IFI16: variants seen among roughly 807,000 people sequenced by gnomAD.
The protein encoded by IFI16 is interferon gamma inducible protein 16, also known as gamma-interferon-inducible protein 16.
IFI16 carries 49 observed loss-of-function variants against 68.4 expected under a neutral mutation model. The ratio of observed to expected loss-of-function variants is 0.72; its 90% CI spans 0.57 to 0.91. The LOEUF is 0.91. IFI16 is among the 40% of genes least tolerant of loss of function. IFI16 has a pLI of 0.00. For synonymous variants in IFI16, 307 were observed against 315.0 expected, an observed-to-expected ratio of 0.97 and a Z score of 0.27; for missense variants, 878 against 942.9, an observed-to-expected ratio of 0.93 and a Z score of 0.90.
Position 159,052,401 on chromosome 1 carries a change from T to C in IFI16, c.2085+303T>C, listed in dbSNP as rs41264143. On this transcript the variant is annotated intron_variant, in intron 10 of 11. Coordinates refer to ENST00000295809, the MANE Select transcript of IFI16 (RefSeq NM_001376587.1). ...CTTGTCCAGGACAGTGCAGAGTTTA[T>C]ATCAACACACATATCCTTAGGATTT... The C allele has an allele frequency of 3.8e-3, 1,088 of 283,156 alleles. 4 individuals are homozygous for C. The highest frequency in any genetic ancestry group is 6.3e-3 in the Non-Finnish European group (925 of 147,130). 17.5% of individuals were successfully genotyped at this position (283,156 alleles called of 1,614,324 possible). A position where few individuals can be genotyped will look rare whatever the true frequency, so the allele number is the denominator to read the frequency against.
At chr1:159,012,759 G>A (rs1479383764) in intron 1 of IFI16, among the ~76,000 whole-genome samples, 5 of 152,278 alleles carry the variant, frequency 3.3e-5, no homozygotes, top group African/African-American at 9.6e-5. Context: ...CCAATTAGGC[G>A]GGAAGGCATG....
chr1:159,049,569 A>G lies in IFI16; in HGVS notation c.1635A>G (p.Pro545=). 1.3e-6 allele frequency: 2 copies of G among 1,595,888 alleles called. No homozygotes were observed. Among genetic ancestry groups the G allele is most frequent in the South Asian group, 2.3e-5 (2 of 87,808 alleles). The change falls in exon 9 of 12, where the codon CCA becomes CCG. Residue 545 remains proline (P), a synonymous_variant. Transcript: ENST00000295809. ...ATCCCCACACTCCTCAGATGCCTCC[A>G]TCAACACCAAGCAGCAGTTTCTTAA... ...ESHPHTPQMP[P]STPSSSFLTT... is the part of the protein sequence containing the mutation.
upstream of IFI16, among the ~76,000 whole-genome samples, chr1:159,003,562 C>T (rs1652137477): frequency 6.6e-6 from 1 of 151,982 alleles, no homozygotes; most frequent in African/African-American, 2.4e-5. Context: ...AGCAGTTAGC[C>T]ACCTGTCACT....
chr1:159,034,208 G>T (rs3768523), intron 7 of IFI16, among the ~76,000 whole-genome samples: 2 of 152,052 alleles, frequency 1.3e-5, no homozygotes, highest in Non-Finnish European at 2.9e-5. Context: ...GCAACATAAG[G>T]CTGGGTTTCC....
intron 2 of IFI16, 87 bp from the exon 3 acceptor site, chr1:159,015,785 G>T (rs1652879666): frequency 2.1e-6 from 2 of 958,084 alleles, no homozygotes; most frequent in Non-Finnish European, 3.3e-6. Context: ...AGAGCAAATT[G>T]TATTGAAACT....
At chr1:159,052,628 C>T (rs1268646917) in intron 10 of IFI16, 1 of 152,876 alleles carries the variant, frequency 6.5e-6, no homozygotes, top group African/African-American at 2.4e-5. Flanking sequence ...TGCCTCTTCT[C>T]ATTCATTAAT....
chr1:159,052,306 T>G, intron 10 of IFI16: 1 of 559,062 alleles, frequency 1.8e-6, no homozygotes, highest in African/African-American at 1.9e-5. Context: ...GGTATCATCA[T>G]GCAAGTTATT....
At chr1:159,035,297 G>A (rs1197805445) in intron 7 of IFI16, among the ~76,000 whole-genome samples, 1 of 152,172 alleles carries the variant, frequency 6.6e-6, no homozygotes, top group Admixed American at 6.5e-5. Flanking sequence ...GGTGGCTGTG[G>A]AAGGAGCCCT....
rs570877523 is a variant in IFI16, at chr1:159,025,217, GTGGCCC to G, written c.1161+4695_1161+4700del. On this transcript the variant is annotated intron_variant, in intron 6 of 11. Coordinates refer to ENST00000295809, the MANE Select transcript of IFI16 (RefSeq NM_001376587.1). ...TGCTCAGCGCCGCCCAAGGGATGCTGTGGCCCTGGCCCCTCTTGAAGTCTTGGCCTT... is the reference window on the plus strand; with the variant it reads ...TGCTCAGCGCCGCCCAAGGGATGCTGTGGCCCCTCTTGAAGTCTTGGCCTT... 3.7e-3 allele frequency among the ~76,000 whole-genome samples: 564 copies of G among 152,274 alleles called. 2 individuals carry two copies. The highest frequency in any genetic ancestry group is 6.4e-3 in the Non-Finnish European group (436 of 68,026).
At chr1:159,002,647 G>C (rs1307949609), upstream of IFI16, among the ~76,000 whole-genome samples, 1 of 152,122 alleles carries the variant, frequency 6.6e-6, no homozygotes, top group East Asian at 1.9e-4. Flanking sequence ...AAATGCTGTT[G>C]CTATTTGTTT....
intron 6 of IFI16, among the ~76,000 whole-genome samples, chr1:159,026,221 G>T (rs1653658497): frequency 6.6e-6 from 1 of 151,320 alleles, no homozygotes; most frequent in Non-Finnish European, 1.5e-5. Context: ...TGTGAAGAAT[G>T]ATGTTGGTAT....
At chr1:159,013,110 A>C (rs1252087478) in intron 1 of IFI16, among the ~76,000 whole-genome samples, 1 of 145,650 alleles carries the variant, frequency 6.9e-6, no homozygotes, top group Non-Finnish European at 1.5e-5. Flanking sequence ...TTTTCCCTTC[A>C]TTCTCTGGAC....
rs752579974 is a variant in IFI16, at chr1:159,016,593, C to G, written c.442C>G (p.Gln148Glu). The G allele has an allele frequency of 8.1e-6, 13 of 1,614,130 alleles. No homozygotes were observed. The South Asian group carries it at 1.4e-4, about 18-fold the overall frequency. The change falls in exon 4 of 12, where the codon CAG (glutamine) becomes GAG (glutamate). Residue 148 changes from glutamine to glutamate, a missense_variant. Coordinates refer to ENST00000295809, the MANE Select transcript of IFI16 (RefSeq NM_001376587.1). ...GPKGSKVSEEQTQPPSPAGAG... is the reference protein window; with the variant it reads ...GPKGSKVSEEETQPPSPAGAG... ...CAAAGGGAGTAAGGTGTCCGAGGAA[C>G]AGACTCAGCCTCCCTCTCCTGCAGG...
At chr1:159,041,861 G>C (rs1004719140) in intron 7 of IFI16, among the ~76,000 whole-genome samples, 3 of 152,144 alleles carry the variant, frequency 2.0e-5, no homozygotes, top group African/African-American at 7.2e-5. Flanking sequence ...ATACCTACTC[G>C]TTAATAGTTC....
At chr1:159,024,000 G>A (rs1185299787) in intron 6 of IFI16, among the ~76,000 whole-genome samples, 1 of 152,248 alleles carries the variant, frequency 6.6e-6, no homozygotes, top group African/African-American at 2.4e-5. Flanking sequence ...TTTTGCAAGA[G>A]AGCCACCATA....
intron 6 of IFI16, among the ~76,000 whole-genome samples, chr1:159,021,742 C>A (rs1315955067): frequency 2.0e-5 from 3 of 152,116 alleles, no homozygotes; most frequent in African/African-American, 2.4e-5. Flanking sequence ...TGTTCCTTTT[C>A]ACCACATCGA....
At chr1:159,038,052 T>C (rs957481951) in intron 7 of IFI16, among the ~76,000 whole-genome samples, 43 of 152,316 alleles carry the variant, frequency 2.8e-4, no homozygotes, top group African/African-American at 9.9e-4. Context: ...AGGTTAAAAA[T>C]ACCATTCAGG....
chr1:159,032,483 C>A (rs749008727), intron 6 of IFI16, 41 bp from the exon 7 acceptor site: 1 of 1,271,668 alleles, frequency 7.9e-7, no homozygotes, highest in Non-Finnish European at 1.1e-6. Context: ...TGTGCTTCCT[C>A]TAATATTGAA....
rs1652925975 is a variant in IFI16 at position 159,016,421 on chromosome 1, G to A, written c.382-112G>A. On this transcript the variant is annotated intron_variant, in intron 3 of 11. Coordinates refer to ENST00000295809, the MANE Select transcript of IFI16 (RefSeq NM_001376587.1). ...CGAGAGATGGGCAGCAACCTCTCAA[G>A]TTTCCAAGAAACATCTTCTTAGGAA... 4 of 1,013,374 alleles carry A rather than the reference G, an allele frequency of 3.9e-6. No homozygotes were observed. In the East Asian group the frequency reaches 7.9e-5, roughly 20 times the overall value. 62.8% of individuals were successfully genotyped at this position (1,013,374 alleles called of 1,614,324 possible).
Sources: gnomAD v4.1 joint callset for allele counts (sites outside exome capture counted in the v4.1 genomes callset) on GRCh38, gnomAD v4.1.1 for gene constraint, MANE v1.5 for transcripts, NCBI Gene and HGNC (gene_info 2026-07-23, HGNC 2026-07-21) for gene names.